Variants in ANKIB1 observed in about 807,000 individuals in gnomAD.
The protein encoded by ANKIB1 is ankyrin repeat and IBR domain containing 1, also known as ankyrin repeat and IBR domain-containing protein 1.
Under a neutral mutation model 122.1 loss-of-function variants are expected in ANKIB1, and 43 were observed. The observed-to-expected ratio is 0.35, with a 90% CI of 0.28 to 0.45. The LOEUF is 0.45. Ranked by LOEUF, ANKIB1 falls within the 20% of genes least tolerant of loss-of-function variation. The pLI is 1.00. For synonymous variants in ANKIB1, 390 were observed against 442.0 expected (o/e 0.88, Z 1.48); for missense variants, 992 against 1,329.5 (o/e 0.75, Z 3.95).
In ANKIB1 at chr7:92,344,291, A is replaced by G. The variant is rs375623766; in HGVS notation, c.997-687A>G. ...ATGACCTCGGCTCCCTGCAACCTCCACCTCCCAGATTCAGGTGATTCTCCT... is the reference window on the plus strand; with the variant it reads ...ATGACCTCGGCTCCCTGCAACCTCCGCCTCCCAGATTCAGGTGATTCTCCT... On this transcript the variant is annotated intron_variant, in intron 6 of 19. Coordinates refer to ENST00000265742, the MANE Select transcript of ANKIB1 (RefSeq NM_019004.2). Among the ~76,000 whole-genome samples the G allele has an allele frequency of 3.7e-4, 48 of 130,908 alleles. 1 individual carries two copies. The highest frequency in any genetic ancestry group is 1.2e-3 in the African/African-American group (40 of 33,578). 85.9% of individuals were successfully genotyped at this position (130,908 alleles called of 152,430 possible). A position where few individuals can be genotyped will look rare whatever the true frequency, so the allele number is the denominator to read the frequency against.
At chr7:92,303,201 G>A (rs1049588318) in intron 2 of ANKIB1, among the ~76,000 whole-genome samples, 21 of 152,084 alleles carry the variant, frequency 1.4e-4, no homozygotes, top group African/African-American at 5.1e-4. Context: ...AAATGAGTGG[G>A]AATAAATTGT....
At chr7:92,321,376 A>G (rs1317624904) in intron 4 of ANKIB1, among the ~76,000 whole-genome samples, 1 of 152,136 alleles carries the variant, frequency 6.6e-6, no homozygotes. Context: ...CTGAAACTTT[A>G]TACCCCCTGT....
intron 1 of ANKIB1, among the ~76,000 whole-genome samples, chr7:92,258,269 A>G (rs1278343274): frequency 1.3e-5 from 2 of 152,218 alleles, no homozygotes; most frequent in Non-Finnish European, 2.9e-5. Flanking sequence ...GAAAAATAAT[A>G]AGGTTCCAAT....
At chr7:92,355,039 G>A (rs748514037) in intron 9 of ANKIB1, among the ~76,000 whole-genome samples, 10 of 152,144 alleles carry the variant, frequency 6.6e-5, no homozygotes, top group Non-Finnish European at 1.5e-4. Flanking sequence ...AAATATATTC[G>A]TTGTTGGGAG....
rs1430248031 is a variant in ANKIB1 at position 92,246,194 on chromosome 7, A to G, written c.-416A>G. The G allele has an allele frequency of 5.5e-6, 2 of 363,026 alleles. No individual in the cohort carries two copies. Among genetic ancestry groups the G allele is most frequent in the African/African-American group, 4.6e-5 (2 of 43,062 alleles). 22.5% of individuals were successfully genotyped at this position (363,026 alleles called of 1,614,324 possible). ...CGGGCTTGACCGCGAGGCGGAGGCA[A>G]GAGCCACCGCCCCCTCTTCCCCTCC... On this transcript the variant is annotated 5_prime_UTR_variant, in exon 1 of 20. Transcript: ENST00000265742.
intron 1 of ANKIB1, among the ~76,000 whole-genome samples, chr7:92,282,806 G>A (rs1802035803): frequency 6.6e-6 from 1 of 152,098 alleles, no homozygotes; most frequent in African/African-American, 2.4e-5. Flanking sequence ...AAAATTTTCA[G>A]CTATCTGAAA....
chr7:92,349,262 A>G (rs1366748795), intron 7 of ANKIB1, among the ~76,000 whole-genome samples: 1 of 152,186 alleles, frequency 6.6e-6, no homozygotes, highest in Non-Finnish European at 1.5e-5. Flanking sequence ...GTGGGAAGAA[A>G]GGAAAGAATG....
rs529514904 is a variant in ANKIB1 at position 92,309,693 on chromosome 7, G to A, written c.486+2037G>A. 8.6e-5 allele frequency among the ~76,000 whole-genome samples: 13 copies of A among 151,624 alleles called. No individual in the cohort carries two copies. In the South Asian group the frequency reaches 2.7e-3, roughly 32 times the overall value. ...TGTAATCCCAGCACTTTGGGAGGCC[G>A]AGGCGGGCAGATCACAAGGTCAGGA... On this transcript the variant is annotated intron_variant, in intron 3 of 19. Coordinates refer to ENST00000265742, the MANE Select transcript of ANKIB1 (RefSeq NM_019004.2).
chr7:92,305,599 C>T (rs1216595472), intron 2 of ANKIB1, among the ~76,000 whole-genome samples: 1 of 152,118 alleles, frequency 6.6e-6, no homozygotes, highest in Non-Finnish European at 1.5e-5. Flanking sequence ...GCAAACTGAA[C>T]TGGTGGGGGA....
At chr7:92,257,396 G>A (rs1472677232) in intron 1 of ANKIB1, among the ~76,000 whole-genome samples, 1 of 152,084 alleles carries the variant, frequency 6.6e-6, no homozygotes, top group African/African-American at 2.4e-5. Context: ...TTTATAAGTA[G>A]AGCAGGGAAT....
chr7:92,348,099 T>A, intron 7 of ANKIB1: 1 of 345,512 alleles, frequency 2.9e-6, no homozygotes, highest in Non-Finnish European at 5.6e-6. Context: ...AAATTGTGTC[T>A]TGATGAGAAA....
chr7:92,263,179 A>G (rs894584366), intron 1 of ANKIB1, among the ~76,000 whole-genome samples: 1 of 152,226 alleles, frequency 6.6e-6, no homozygotes, highest in Non-Finnish European at 1.5e-5. Flanking sequence ...TTAGGTTTTT[A>G]CACATGTATT....
In ANKIB1 at chr7:92,246,186, C is replaced by T. The variant is rs1477153368; in HGVS notation, c.-424C>T. The T allele has an allele frequency of 1.7e-5, 6 of 357,712 alleles. No individual in the cohort carries two copies. Among genetic ancestry groups the T allele is most frequent in the Non-Finnish European group, 2.6e-5 (5 of 189,722 alleles). The allele number at this position is 357,712 out of a possible 1,614,324, so 22.2% of individuals were successfully genotyped here. ...ACATGAGCCGGGCTTGACCGCGAGG[C>T]GGAGGCAAGAGCCACCGCCCCCTCT... On this transcript the variant is annotated 5_prime_UTR_variant, in exon 1 of 20. Transcript: ENST00000265742.
At chr7:92,308,701 A>G (rs1370463970) in intron 3 of ANKIB1, among the ~76,000 whole-genome samples, 1 of 152,150 alleles carries the variant, frequency 6.6e-6, no homozygotes, top group East Asian at 1.9e-4. Flanking sequence ...GATCTTAACT[A>G]AGTTAAGGAA....
At chr7:92,308,286 C>G (rs377590102) in intron 3 of ANKIB1, among the ~76,000 whole-genome samples, 1 of 152,074 alleles carries the variant, frequency 6.6e-6, no homozygotes, top group East Asian at 1.9e-4. Flanking sequence ...TTGTTGATAT[C>G]TCTTAAGATA....
At chr7:92,276,094 A>C (rs1474966791) in intron 1 of ANKIB1, among the ~76,000 whole-genome samples, 1 of 152,220 alleles carries the variant, frequency 6.6e-6, no homozygotes, top group Non-Finnish European at 1.5e-5. Flanking sequence ...TAGCTTGTTA[A>C]AAGTTGGTCT....
chr7:92,332,750 C>G (rs1403110714), intron 5 of ANKIB1, among the ~76,000 whole-genome samples: 1 of 152,152 alleles, frequency 6.6e-6, no homozygotes, highest in Admixed American at 6.6e-5. Context: ...TCATTCTGTT[C>G]TCTTCCTGGG....
chr7:92,247,173 A>G (rs1427075162), intron 1 of ANKIB1, among the ~76,000 whole-genome samples: 1 of 152,232 alleles, frequency 6.6e-6, no homozygotes, highest in Non-Finnish European at 1.5e-5. Flanking sequence ...CATATCGAAC[A>G]ATCTTGTATT....
At chr7:92,343,335 A>G (rs1803473403) in intron 6 of ANKIB1, 103 bp downstream of exon 6, 4 of 1,000,916 alleles carry the variant, frequency 4.0e-6, no homozygotes, top group African/African-American at 3.2e-5. Flanking sequence ...GTGTTCTTGT[A>G]ATTGAATCCT....
Sources: gnomAD v4.1 joint callset for allele counts (sites outside exome capture counted in the v4.1 genomes callset) on GRCh38, gnomAD v4.1.1 for gene constraint, MANE v1.5 for transcripts, NCBI Gene and HGNC (gene_info 2026-07-23, HGNC 2026-07-21) for gene names.